Variants in CTSH observed in about 807,000 individuals in gnomAD.
The protein encoded by CTSH is pro-cathepsin H.
In CTSH, 52 loss-of-function variants were observed where a neutral mutation model predicts 56.3. That is an observed-to-expected ratio of 0.92 (90% CI 0.74 to 1.16). CTSH has a LOEUF of 1.16. CTSH is among the 50% of genes most tolerant of loss of function. CTSH has a pLI of 0.00. For missense variants in CTSH, 406 were observed against 424.5 expected, an observed-to-expected ratio of 0.96 and a Z score of 0.38; for synonymous variants, 174 against 155.7, an observed-to-expected ratio of 1.12 and a Z score of -0.88.
At chr15:78,923,202 G>A in intron 10 of CTSH, 84 bp from the exon 11 acceptor site, 9 of 1,498,844 alleles carry the variant, frequency 6.0e-6, no homozygotes, top group Middle Eastern at 1.7e-4. Context: ...CTCTTTGAGC[G>A]CTTTAGAGCA....
chr15:78,939,022 C>A, intron 2 of CTSH, 118 bp downstream of exon 2: 1 of 894,446 alleles, frequency 1.1e-6, no homozygotes, highest in African/African-American at 1.7e-5. Flanking sequence ...CTGGAAAGAC[C>A]CCACTAGGCA....
At chr15:78,923,180 A>G in intron 10 of CTSH, 62 bp from the exon 11 acceptor site, 1 of 1,590,794 alleles carries the variant, frequency 6.3e-7, no homozygotes, top group Non-Finnish European at 8.6e-7. Context: ...TGACAGTCCC[A>G]TCCAACAACG....
At chr15:78,926,068 G>GTGGGTCCCAGGCAT (rs1345085048) in intron 9 of CTSH, 1 of 152,470 alleles carries the variant, frequency 6.6e-6, no homozygotes, top group Non-Finnish European at 1.5e-5. Flanking sequence ...TATCTGCAGG[G>GTGGGTCCCAGGCAT]TGGGTCCCAG....
chr15:78,923,577 C>T (rs2054825932), intron 10 of CTSH, among the ~76,000 whole-genome samples: 1 of 152,194 alleles, frequency 6.6e-6, no homozygotes. Context: ...GTGTGAGCCA[C>T]CGCACCCGGC....
intron 10 of CTSH, among the ~76,000 whole-genome samples, chr15:78,923,964 C>G (rs1208103048): frequency 6.6e-6 from 1 of 152,084 alleles, no homozygotes; most frequent in East Asian, 1.9e-4. Context: ...AGGCAGCATG[C>G]ATAACTGTCC....
intron 7 of CTSH, among the ~76,000 whole-genome samples, chr15:78,931,208 G>C (rs2055052494): frequency 6.6e-6 from 1 of 152,148 alleles, no homozygotes; most frequent in Admixed American, 6.5e-5. Context: ...CAACCGCACT[G>C]TGGAGAGCCA....
At chr15:78,936,624 C>T (rs568985815) in intron 3 of CTSH, among the ~76,000 whole-genome samples, 2 of 150,928 alleles carry the variant, frequency 1.3e-5, no homozygotes, top group African/African-American at 2.5e-5. Context: ...GCTGGACGTG[C>T]GTGTGAGTTT....
At chr15:78,941,623 T>A (rs1200066070) in intron 1 of CTSH, among the ~76,000 whole-genome samples, 1 of 151,362 alleles carries the variant, frequency 6.6e-6, no homozygotes, top group Non-Finnish European at 1.5e-5. Flanking sequence ...AAACCCCAAC[T>A]CTACTAAAAA....
At chr15:78,937,280 G>T in intron 3 of CTSH, 38 bp downstream of exon 3, 1 of 1,568,104 alleles carries the variant, frequency 6.4e-7, no homozygotes, top group Non-Finnish European at 8.8e-7. Flanking sequence ...GTCACTAACT[G>T]ACATCCTTCC....
intron 3 of CTSH, chr15:78,937,074 G>A: frequency 2.0e-6 from 1 of 495,760 alleles, no homozygotes. Flanking sequence ...CAGGAATGGG[G>A]CAGGGGCTTC....
At chr15:78,923,450 A>G (rs963094181) in intron 10 of CTSH, among the ~76,000 whole-genome samples, 6 of 152,126 alleles carry the variant, frequency 3.9e-5, no homozygotes, top group African/African-American at 1.4e-4. Context: ...CACCACACCC[A>G]GCTAATTTTT....
At chr15:78,942,049 T>G (rs1455382957) in intron 1 of CTSH, among the ~76,000 whole-genome samples, 1 of 152,138 alleles carries the variant, frequency 6.6e-6, no homozygotes, top group Non-Finnish European at 1.5e-5. Context: ...CTGGTCTTAT[T>G]TTTGTTTCTT....
intron 1 of CTSH, chr15:78,944,678 T>C (rs1596295515): frequency 1.1e-6 from 1 of 898,476 alleles, no homozygotes; most frequent in East Asian, 3.2e-5. Flanking sequence ...TCAGCCCATC[T>C]GCTCCTCTGG....
chr15:78,939,032 A>G (rs2055233413), intron 2 of CTSH, 108 bp downstream of exon 2: 1 of 1,042,200 alleles, frequency 9.6e-7, no homozygotes, highest in Non-Finnish European at 1.5e-6. Flanking sequence ...CCCACTAGGC[A>G]AAGTTGGAAA....
chr15:78,925,398 G>C lies in CTSH; in HGVS notation c.742C>G (p.Pro248Ala). 6.2e-7 allele frequency: 1 copy of C among 1,613,984 alleles called. No homozygotes were observed. The highest frequency in any genetic ancestry group is 8.5e-7 in the Non-Finnish European group (1 of 1,179,874). ...GTCACCTCAAAGGCAAAGCTCACAG[G>C]GTTGTAGAGGGCCACAGCCTCCACC... ...AMVEAVALYN[P>A]VSFAFEVTQD... The change falls in exon 10 of 12, where the codon CCT becomes GCT. Residue 248 changes from proline (P) to alanine (A), a missense_variant. Coordinates refer to ENST00000220166, the MANE Select transcript of CTSH (RefSeq NM_004390.5).
At position 78,935,360 on chromosome 15, in the gene CTSH, A is replaced by G. The variant is rs1024207223; in HGVS notation, c.301-278T>C. Among the ~76,000 whole-genome samples, 23 of 152,266 alleles carry G rather than the reference A, an allele frequency of 1.5e-4. 1 individual carries two copies. The highest frequency in any genetic ancestry group is 4.4e-5 in the Non-Finnish European group (3 of 68,048). ...TCAGGTAAACAACAAATAACTTTGT[A>G]GTGTAAGTATATCCTGTGCAATATT... On this transcript the variant is annotated intron_variant, in intron 4 of 11. Coordinates refer to ENST00000220166, the MANE Select transcript of CTSH (RefSeq NM_004390.5).
At chr15:78,934,344 G>A (rs948692657) in intron 5 of CTSH, among the ~76,000 whole-genome samples, 1 of 152,216 alleles carries the variant, frequency 6.6e-6, no homozygotes, top group Non-Finnish European at 1.5e-5. Flanking sequence ...AGAAGGCCAC[G>A]GCAGGTTCCC....
At chr15:78,937,772 A>G in intron 2 of CTSH, 1 of 1,309,688 alleles carries the variant, frequency 7.6e-7, no homozygotes, top group Non-Finnish European at 1.0e-6. Context: ...AAGCACATGC[A>G]CTGGTGTTCC....
chr15:78,931,367 GGC>G (rs1276087022), intron 7 of CTSH, 82 bp downstream of exon 7: 1 of 1,566,136 alleles, frequency 6.4e-7, no homozygotes, highest in Non-Finnish European at 8.8e-7. Flanking sequence ...TTATATCTGT[GGC>G]AGACCCAGCA....
Sources: allele counts gnomAD v4.1 joint callset (sites outside exome capture counted in the v4.1 genomes callset), GRCh38; gene constraint gnomAD v4.1.1; transcripts MANE v1.5; gene names NCBI Gene and HGNC (gene_info 2026-07-23, HGNC 2026-07-21).